The following CNTN6 variants were observed in gnomAD, a reference collection of about 807,000 sequenced individuals.
CNTN6 encodes contactin-6.
CNTN6 carries 137 observed loss-of-function variants against 122.8 expected under a neutral mutation model. The ratio of observed to expected loss-of-function variants is 1.12; its 90% confidence interval spans 0.97 to 1.29. The LOEUF is 1.29. Among genes scored for constraint, CNTN6 ranks in the 50% most tolerant of loss-of-function variants. The pLI is 0.00. For synonymous variants in CNTN6, 570 were observed against 426.0 expected (o/e 1.34, Z -4.16); for missense variants, 1,634 against 1,223.4 (o/e 1.34, Z -5.01).
intron 1 of CNTN6, among the ~76,000 whole-genome samples, chr3:1,134,541 T>A (rs768257567): frequency 2.6e-5 from 4 of 152,084 alleles, no homozygotes; most frequent in Non-Finnish European, 4.4e-5. Flanking sequence ...GGATACAAAT[T>A]AAGATCACAG....
chr3:1,211,585 A>C (rs2094038697), intron 2 of CNTN6, among the ~76,000 whole-genome samples: 1 of 152,138 alleles, frequency 6.6e-6, no homozygotes, highest in Non-Finnish European at 1.5e-5. Flanking sequence ...AGATCTAAAA[A>C]TTCAGGGAAT....
chr3:1,243,604 G>C (rs1367180205), intron 4 of CNTN6, among the ~76,000 whole-genome samples: 4 of 151,976 alleles, frequency 2.6e-5, no homozygotes, highest in Admixed American at 2.6e-4. Flanking sequence ...CATGAACTGG[G>C]CTGGATTTTT....
intron 4 of CNTN6, among the ~76,000 whole-genome samples, chr3:1,230,144 A>G (rs2094335664): frequency 6.6e-6 from 1 of 152,204 alleles, no homozygotes; most frequent in Non-Finnish European, 1.5e-5. Flanking sequence ...TAAATTTTTA[A>G]CAATATCAAT....
At chr3:1,111,810 A>G (rs1351251178) in intron 1 of CNTN6, among the ~76,000 whole-genome samples, 1 of 152,094 alleles carries the variant, frequency 6.6e-6, no homozygotes, top group Non-Finnish European at 1.5e-5. Flanking sequence ...AGGCTGGGCA[A>G]TCTTATTCCA....
chr3:1,120,214 C>T (rs1297372762), intron 1 of CNTN6, among the ~76,000 whole-genome samples: 1 of 151,668 alleles, frequency 6.6e-6, no homozygotes, highest in Admixed American at 6.6e-5. Flanking sequence ...TACATGTTTT[C>T]ATTTGTCTTA....
At chr3:1,216,737 G>A (rs1420879603) in intron 2 of CNTN6, among the ~76,000 whole-genome samples, 1 of 152,132 alleles carries the variant, frequency 6.6e-6, no homozygotes, top group Non-Finnish European at 1.5e-5. Flanking sequence ...GAGGAAAGGT[G>A]CCTAAATTAC....
At chr3:1,312,342 A>G (rs1265780157) in intron 7 of CNTN6, among the ~76,000 whole-genome samples, 2 of 151,370 alleles carry the variant, frequency 1.3e-5, no homozygotes, top group African/African-American at 4.9e-5. Context: ...GTATATGTAT[A>G]TTTCTGGAAG....
At chr3:1,308,048 A>T (rs939770055) in intron 7 of CNTN6, among the ~76,000 whole-genome samples, 2 of 150,414 alleles carry the variant, frequency 1.3e-5, no homozygotes, top group African/African-American at 4.8e-5. Flanking sequence ...CCTTCTGCAG[A>T]ATAATGAGAC....
intron 7 of CNTN6, among the ~76,000 whole-genome samples, chr3:1,299,717 T>C (rs1196815010): frequency 2.6e-5 from 4 of 152,180 alleles, no homozygotes; most frequent in Admixed American, 1.3e-4. Flanking sequence ...TAGGAACTTC[T>C]AAGTAAATAG....
intron 1 of CNTN6, among the ~76,000 whole-genome samples, chr3:1,144,601 TAA>T (rs980101214): frequency 4.3e-4 from 45 of 104,976 alleles, no homozygotes; most frequent in African/African-American, 1.6e-3. Context: ...TAATAAAAAA[TAA>T]AAAATAAAAA....
intron 2 of CNTN6, among the ~76,000 whole-genome samples, chr3:1,154,662 C>T (rs991212835): frequency 2.2e-4 from 33 of 152,104 alleles, no homozygotes; most frequent in African/African-American, 8.0e-4. Context: ...AGACTGGTCT[C>T]GAACTCCCGA....
At chr3:1,343,476 A>G (rs1380773684) in intron 11 of CNTN6, among the ~76,000 whole-genome samples, 1 of 152,166 alleles carries the variant, frequency 6.6e-6, no homozygotes, top group Non-Finnish European at 1.5e-5. Flanking sequence ...ATTTATACTT[A>G]TAAATAATGT....
rs147757122 is a variant in CNTN6 at position 1,166,755 on chromosome 3, C to G, written c.55+18692C>G. Among the ~76,000 whole-genome samples, 3 of 152,032 alleles carry G rather than the reference C, an allele frequency of 2.0e-5. No individual in the cohort carries two copies. In the East Asian group the frequency reaches 5.8e-4, roughly 29 times the overall value. ...GCAGGGACATGGATGAAGCTGGAAG[C>G]CATCATTCTTAGCAGACTAATACAG... On this transcript the variant is annotated intron_variant, in intron 2 of 22. Transcript: ENST00000446702.
intron 4 of CNTN6, among the ~76,000 whole-genome samples, chr3:1,268,211 T>A (rs1405609569): frequency 6.6e-6 from 1 of 151,984 alleles, no homozygotes; most frequent in African/African-American, 2.4e-5. Context: ...ACCCAAGAGG[T>A]CACTGCTGCC....
chr3:1,399,939 C>T (rs1330687494), intron 20 of CNTN6, among the ~76,000 whole-genome samples: 1 of 152,014 alleles, frequency 6.6e-6, no homozygotes, highest in African/African-American at 2.4e-5. Flanking sequence ...CTATCACATC[C>T]CAACTGGACT....
intron 12 of CNTN6, among the ~76,000 whole-genome samples, chr3:1,367,533 C>G (rs950373213): frequency 5.9e-5 from 9 of 151,674 alleles, no homozygotes; most frequent in African/African-American, 1.9e-4. Flanking sequence ...TTTGTACATA[C>G]TAAACACAAA....
chr3:1,374,163 C>G, intron 16 of CNTN6, 90 bp downstream of exon 16: 1 of 1,342,176 alleles, frequency 7.5e-7, no homozygotes, highest in Non-Finnish European at 1.0e-6. Context: ...TCTTCTAATA[C>G]TTTTGGCTCA....
At chr3:1,374,888 A>T (rs571197205) in intron 16 of CNTN6, among the ~76,000 whole-genome samples, 17 of 152,242 alleles carry the variant, frequency 1.1e-4, no homozygotes, top group African/African-American at 3.8e-4. Context: ...TGGGGCTAGA[A>T]AAAGGACATA....
At chr3:1,241,526 A>T (rs1404748481) in intron 4 of CNTN6, among the ~76,000 whole-genome samples, 1 of 152,190 alleles carries the variant, frequency 6.6e-6, no homozygotes, top group Admixed American at 6.5e-5. Context: ...TAAACGGAAG[A>T]TACAAGGTCC....
Sources: allele counts gnomAD v4.1 joint callset (sites outside exome capture counted in the v4.1 genomes callset), GRCh38; gene constraint gnomAD v4.1.1; transcripts MANE v1.5; gene names NCBI Gene and HGNC (gene_info 2026-07-23, HGNC 2026-07-21).